PHACTR1: variants seen among roughly 807,000 people sequenced by gnomAD.
PHACTR1 encodes phosphatase and actin regulator 1, also known as RPEL repeat containing 1.
Under a neutral mutation model 69.2 loss-of-function variants are expected in PHACTR1, and 16 were observed. The ratio of observed to expected loss-of-function variants is 0.23; its 90% confidence interval spans 0.16 to 0.35. PHACTR1 has a LOEUF of 0.35. PHACTR1 is among the 10% of genes least tolerant of loss of function. The probability of loss-of-function intolerance (pLI) is 1.00; values close to 1 mark genes in which losing one functional copy is unlikely to be tolerated. For missense variants in PHACTR1, 510 were observed against 734.7 expected (o/e 0.69, Z 3.54); for synonymous variants, 312 against 284.5 (o/e 1.10, Z -0.97).
chr6:12,746,560 G>T (rs936924617), intron 3 of PHACTR1, among the ~76,000 whole-genome samples: 16 of 152,076 alleles, frequency 1.1e-4, no homozygotes, highest in African/African-American at 3.6e-4. Context: ...ATAACACAGA[G>T]ATAAATGTAG....
intron 7 of PHACTR1, among the ~76,000 whole-genome samples, chr6:13,189,294 T>C (rs1351834647): frequency 6.6e-6 from 1 of 152,238 alleles, no homozygotes; most frequent in Non-Finnish European, 1.5e-5. Flanking sequence ...TCGTAGTTAC[T>C]TAGCTAGTAA....
intron 4 of PHACTR1, among the ~76,000 whole-genome samples, chr6:12,758,491 C>G (rs575791705): frequency 5.2e-4 from 77 of 147,488 alleles, no homozygotes; most frequent in African/African-American, 1.8e-3. Flanking sequence ...AAAAAAGGGC[C>G]CAGAGATAAA....
chr6:12,756,144 T>C (rs997358043), intron 4 of PHACTR1, among the ~76,000 whole-genome samples: 5 of 151,930 alleles, frequency 3.3e-5, no homozygotes, highest in Admixed American at 1.3e-4. Flanking sequence ...GCAACTTGAA[T>C]TCATGATCAT....
At chr6:12,877,634 G>C (rs575412912) in intron 4 of PHACTR1, among the ~76,000 whole-genome samples, 3 of 152,156 alleles carry the variant, frequency 2.0e-5, no homozygotes, top group African/African-American at 7.2e-5. Context: ...TGTGCCCCGG[G>C]CTTCCCCATT....
intron 10 of PHACTR1, among the ~76,000 whole-genome samples, chr6:13,233,523 C>T (rs999909931): frequency 6.6e-6 from 1 of 152,200 alleles, no homozygotes; most frequent in African/African-American, 2.4e-5. Context: ...AACTTACAAT[C>T]ATGGCAGAAG....
intron 5 of PHACTR1, among the ~76,000 whole-genome samples, chr6:13,099,831 A>G (rs950474521): frequency 3.3e-5 from 5 of 152,248 alleles, no homozygotes; most frequent in African/African-American, 1.2e-4. Flanking sequence ...ATTGAGAAAC[A>G]AACAAGACAC....
rs1554189048 is a variant in PHACTR1, at chr6:13,287,316, C to CT, written c.*238_*239insT. The CT allele has an allele frequency of 2.2e-5, 12 of 552,778 alleles. No homozygotes were observed. In the African/African-American group the frequency reaches 2.3e-4, roughly 11 times the overall value. The allele number at this position is 552,778 out of a possible 1,614,324, so 34.2% of individuals were successfully genotyped here. ...TGACACCAAAATGCATCCCAACCCCCGGCAGTGCCAAGGGCACCAGCAGGG... is the reference window on the plus strand; with the variant it reads ...TGACACCAAAATGCATCCCAACCCCCTGGCAGTGCCAAGGGCACCAGCAGGG... On this transcript the variant is annotated 3_prime_UTR_variant, in exon 15 of 15. Coordinates refer to ENST00000332995, the MANE Select transcript of PHACTR1 (RefSeq NM_030948.6).
At chr6:12,884,951 A>T (rs1783489169) in intron 4 of PHACTR1, among the ~76,000 whole-genome samples, 1 of 152,226 alleles carries the variant, frequency 6.6e-6, no homozygotes, top group African/African-American at 2.4e-5. Flanking sequence ...GAACCAGTGG[A>T]GTTTTCTCGA....
At chr6:13,242,005 C>T (rs151157902) in intron 10 of PHACTR1, among the ~76,000 whole-genome samples, 13 of 145,112 alleles carry the variant, frequency 9.0e-5, no homozygotes, top group Admixed American at 2.1e-4. Flanking sequence ...TGCACTCCTC[C>T]GGTCTGGGCA....
chr6:12,777,239 A>ATTTTT (rs1330145058), intron 4 of PHACTR1, among the ~76,000 whole-genome samples: 2 of 107,482 alleles, frequency 1.9e-5, no homozygotes, highest in African/African-American at 1.0e-4. Flanking sequence ...ATATATATAT[A>ATTTTT]TATTTTTTTA....
At chr6:13,168,234 T>G (rs2113614293) in intron 6 of PHACTR1, among the ~76,000 whole-genome samples, 1 of 152,234 alleles carries the variant, frequency 6.6e-6, no homozygotes, top group East Asian at 1.9e-4. Context: ...TACAATAGGT[T>G]TACTTGGACT....
chr6:12,758,466 T>TAAA lies in PHACTR1; in HGVS notation c.250+8694_250+8696dup, dbSNP rs11361990. ...GGGTGAAAGAGCGAGACTCTCTTTCTAAAAAAAAAAAAAAAAAAAAGGGCC... is the reference window on the plus strand; with the variant it reads ...GGGTGAAAGAGCGAGACTCTCTTTCTAAAAAAAAAAAAAAAAAAAAAAAGGGCC... On this transcript the variant is annotated intron_variant, in intron 4 of 14. Coordinates refer to ENST00000332995, the MANE Select transcript of PHACTR1 (RefSeq NM_030948.6). Among the ~76,000 whole-genome samples the TAAA allele has an allele frequency of 7.3e-5, 7 of 95,798 alleles. No homozygotes were observed. In the East Asian group the frequency reaches 1.9e-3, roughly 26 times the overall value. 62.8% of individuals were successfully genotyped at this position (95,798 alleles called of 152,430 possible).
intron 4 of PHACTR1, among the ~76,000 whole-genome samples, chr6:12,758,484 A>T (rs1337065227): frequency 6.6e-6 from 1 of 151,900 alleles, no homozygotes; most frequent in East Asian, 1.9e-4. Context: ...AAAAAAAAAA[A>T]AAGGGCCCAG....
At chr6:13,054,775 A>G (rs1409309283) in intron 5 of PHACTR1, among the ~76,000 whole-genome samples, 1 of 152,146 alleles carries the variant, frequency 6.6e-6, no homozygotes, top group Non-Finnish European at 1.5e-5. Flanking sequence ...GTTGCAACAT[A>G]TGAATTTGGG....
chr6:12,914,089 C>T (rs1402855088), intron 4 of PHACTR1, among the ~76,000 whole-genome samples: 1 of 151,704 alleles, frequency 6.6e-6, no homozygotes, highest in Non-Finnish European at 1.5e-5. Flanking sequence ...CTGCCTCAGC[C>T]TCCCAGGTAG....
chr6:13,080,468 A>C (rs1811199805), intron 5 of PHACTR1, among the ~76,000 whole-genome samples: 1 of 152,198 alleles, frequency 6.6e-6, no homozygotes, highest in Non-Finnish European at 1.5e-5. Context: ...TTAACCAACT[A>C]AACCAATGGT....
intron 6 of PHACTR1, among the ~76,000 whole-genome samples, chr6:13,181,916 T>C (rs6937019): frequency 0.038 from 5,824 of 152,304 alleles, 243 homozygotes; most frequent in African/African-American, 0.1. Context: ...AAAATAATTT[T>C]AATTTACTTT....
chr6:12,739,697 C>T (rs1434955746), intron 3 of PHACTR1, among the ~76,000 whole-genome samples: 1 of 152,050 alleles, frequency 6.6e-6, no homozygotes, highest in Non-Finnish European at 1.5e-5. Context: ...ACCACCATGC[C>T]CAGCTAATGT....
At chr6:13,021,699 C>T (rs1385957854) in intron 4 of PHACTR1, among the ~76,000 whole-genome samples, 1 of 152,134 alleles carries the variant, frequency 6.6e-6, no homozygotes, top group African/African-American at 2.4e-5. Flanking sequence ...TTGTTATTAT[C>T]TGTTATGGAT....
Sources: gnomAD v4.1 joint callset for allele counts (sites outside exome capture counted in the v4.1 genomes callset) on GRCh38, gnomAD v4.1.1 for gene constraint, MANE v1.5 for transcripts, NCBI Gene and HGNC (gene_info 2026-07-23, HGNC 2026-07-21) for gene names.